MACROH2A2: variants seen among roughly 807,000 people sequenced by gnomAD.
MACROH2A2 encodes the protein macroH2A.2 histone.
Under a neutral mutation model 37.6 loss-of-function variants are expected in MACROH2A2, and 6 were observed. The observed-to-expected ratio is 0.16, with a 90% confidence interval of 0.09 to 0.32. The LOEUF (loss-of-function observed/expected upper bound fraction) is 0.32, where lower values mean the gene tolerates loss of function less well. Ranked by LOEUF, MACROH2A2 falls within the 10% of genes least tolerant of loss-of-function variation. MACROH2A2 has a pLI of 1.00. For synonymous variants in MACROH2A2, 192 were observed against 202.7 expected (o/e 0.95, Z 0.45); for missense variants, 290 against 485.9 (o/e 0.60, Z 3.79).
chr10:70,094,505 A>G (rs2072263294), intron 5 of MACROH2A2, among the ~76,000 whole-genome samples: 1 of 152,220 alleles, frequency 6.6e-6, no homozygotes, highest in South Asian at 2.1e-4. Context: ...TCAGTTAATC[A>G]TATCTCTGGT....
At chr10:70,078,915 G>A (rs951295176) in intron 2 of MACROH2A2, among the ~76,000 whole-genome samples, 1 of 152,172 alleles carries the variant, frequency 6.6e-6, no homozygotes, top group East Asian at 1.9e-4. Context: ...GGGGGTCAAA[G>A]TGTGGAAGCC....
chr10:70,092,408 C>T (rs1026853103), intron 4 of MACROH2A2, among the ~76,000 whole-genome samples: 1 of 151,958 alleles, frequency 6.6e-6, no homozygotes, highest in East Asian at 1.9e-4. Context: ...ACTCGAGCCT[C>T]GGTGACAGCG....
At chr10:70,079,223 T>C (rs916880749) in intron 2 of MACROH2A2, among the ~76,000 whole-genome samples, 2 of 152,028 alleles carry the variant, frequency 1.3e-5, no homozygotes, top group Non-Finnish European at 2.9e-5. Context: ...TCGTATCGAT[T>C]GATTTCAAAT....
intron 2 of MACROH2A2, among the ~76,000 whole-genome samples, chr10:70,085,961 T>C (rs142777966): frequency 2.7e-4 from 41 of 152,302 alleles, no homozygotes; most frequent in African/African-American, 9.1e-4. Context: ...TTTGAAACTA[T>C]TAATGATGAT....
In MACROH2A2 at chr10:70,053,934, G is replaced by A. The variant is rs2071993881; in HGVS notation, c.-60+934G>A. Among the ~76,000 whole-genome samples the A allele has an allele frequency of 1.3e-5, 2 of 152,222 alleles. No homozygotes were observed. The highest frequency in any genetic ancestry group is 6.5e-5 in the Admixed American group (1 of 15,288). On this transcript the variant is annotated intron_variant, in intron 1 of 8. Coordinates refer to ENST00000373255, the MANE Select transcript of MACROH2A2 (RefSeq NM_018649.3). This position sits in a 1 kb window ranked among gnomAD's most constrained non-coding sequence, Gnocchi z 4.8. Reference sequence around the variant, plus strand: ...GCCGTGCGTATCGCTCGCGGGGCGCGGCGGTTGGGGACCAGCCCTGCCTCC... The same window carrying A: ...GCCGTGCGTATCGCTCGCGGGGCGCAGCGGTTGGGGACCAGCCCTGCCTCC...
intron 2 of MACROH2A2, among the ~76,000 whole-genome samples, chr10:70,086,295 A>G (rs2072210980): frequency 4.1e-5 from 2 of 48,288 alleles, no homozygotes; most frequent in Non-Finnish European, 7.7e-5. Flanking sequence ...TCTCTAAGGA[A>G]AAAAAAAAAA....
At chr10:70,058,127 A>T (rs2136614387) in intron 1 of MACROH2A2, among the ~76,000 whole-genome samples, 1 of 152,368 alleles carries the variant, frequency 6.6e-6, no homozygotes, top group Middle Eastern at 3.4e-3. Flanking sequence ...ATGACAAATG[A>T]AAGAATATGA....
intron 5 of MACROH2A2, among the ~76,000 whole-genome samples, chr10:70,094,713 G>A (rs115267979): frequency 2.0e-5 from 3 of 152,282 alleles, no homozygotes; most frequent in African/African-American, 7.2e-5. Context: ...ACTTAGCTAA[G>A]GCAACATAAA....
chr10:70,111,383 C>T (rs1304699971), intron 8 of MACROH2A2, 135 bp from the exon 9 acceptor site: 1 of 665,368 alleles, frequency 1.5e-6, no homozygotes, highest in African/African-American at 1.8e-5. Context: ...GTCCCTTTGG[C>T]TAGGGTCAAA....
intron 8 of MACROH2A2, among the ~76,000 whole-genome samples, chr10:70,109,564 C>G (rs931663506): frequency 6.6e-6 from 1 of 152,194 alleles, no homozygotes; most frequent in East Asian, 1.9e-4. Flanking sequence ...TGTCCATGTC[C>G]AGGACACATG....
chr10:70,080,926 T>C (rs1166116657), intron 2 of MACROH2A2, among the ~76,000 whole-genome samples: 2 of 121,290 alleles, frequency 1.6e-5, no homozygotes, highest in Middle Eastern at 4.7e-3. Context: ...TAACTGGGTG[T>C]GGTGGCATGT....
At chr10:70,069,771 T>G (rs2072098713) in intron 1 of MACROH2A2, among the ~76,000 whole-genome samples, 1 of 151,888 alleles carries the variant, frequency 6.6e-6, no homozygotes, top group Non-Finnish European at 1.5e-5. Context: ...TTTTAGACAG[T>G]AGGCCTACAC....
In MACROH2A2 at chr10:70,082,884, T is replaced by G. The variant is rs116347641; in HGVS notation, c.172+7054T>G. ...TGGGATGATGAAAAAGTTCTGGAAA[T>G]GGATAGTTATGGTTGTGCAACATTG... is the stretch of plus-strand genomic sequence containing the variant. On this transcript the variant is annotated intron_variant, in intron 2 of 8. Transcript: ENST00000373255. 2.9e-3 allele frequency among the ~76,000 whole-genome samples: 441 copies of G among 152,156 alleles called. 3 individuals are homozygous for G. The highest frequency in any genetic ancestry group is 1.0e-2 in the African/African-American group (413 of 41,506).
At chr10:70,062,964 C>G (rs1409230809) in intron 1 of MACROH2A2, among the ~76,000 whole-genome samples, 1 of 152,238 alleles carries the variant, frequency 6.6e-6, no homozygotes, top group South Asian at 2.1e-4. Context: ...GAAGAACTTA[C>G]TCATGTAACC....
intron 2 of MACROH2A2, among the ~76,000 whole-genome samples, chr10:70,088,500 A>T (rs1447265269): frequency 6.6e-6 from 1 of 152,252 alleles, no homozygotes; most frequent in Non-Finnish European, 1.5e-5. Context: ...AGATAGTAGA[A>T]ACCAATTCTA....
chr10:70,079,541 C>T (rs977514900), intron 2 of MACROH2A2, among the ~76,000 whole-genome samples: 3 of 146,216 alleles, frequency 2.1e-5, no homozygotes, highest in Non-Finnish European at 3.0e-5. Flanking sequence ...TTGAAGGCCA[C>T]GTTGAGGGTT....
intron 3 of MACROH2A2, among the ~76,000 whole-genome samples, chr10:70,091,021 C>G (rs4746958): frequency 0.05 from 7,624 of 152,258 alleles, 355 homozygotes; most frequent in East Asian, 0.23. Flanking sequence ...AGGAGCATGG[C>G]CAGACATACT....
intron 2 of MACROH2A2, among the ~76,000 whole-genome samples, chr10:70,089,383 A>G (rs1397534656): frequency 6.6e-6 from 1 of 152,202 alleles, no homozygotes; most frequent in Non-Finnish European, 1.5e-5. Flanking sequence ...TAGCATGCAC[A>G]ACTTCTTCTT....
intron 1 of MACROH2A2, among the ~76,000 whole-genome samples, chr10:70,070,854 G>A (rs760110716): frequency 6.6e-6 from 1 of 152,166 alleles, no homozygotes; most frequent in Non-Finnish European, 1.5e-5. Context: ...CTAGTCCTAA[G>A]TTCCAATTTT....
Sources: gnomAD v4.1 joint callset for allele counts (sites outside exome capture counted in the v4.1 genomes callset) on GRCh38, gnomAD v4.1.1 for gene constraint, Gnocchi (gnomAD v3.1) non-coding constraint, MANE v1.5 for transcripts, NCBI Gene and HGNC (gene_info 2026-07-23, HGNC 2026-07-21) for gene names.